Variants in KPNA4 observed in about 807,000 individuals in gnomAD.
KPNA4 encodes the protein importin subunit alpha-3.
In KPNA4, 13 loss-of-function variants were observed where a neutral mutation model predicts 71.3. The observed-to-expected ratio is 0.18, with a 90% CI of 0.12 to 0.29. The LOEUF is 0.29. Ranked by LOEUF, KPNA4 falls within the 10% of genes least tolerant of loss-of-function variation. KPNA4 has a pLI of 1.00. For synonymous variants in KPNA4, 189 were observed against 195.2 expected (o/e 0.97, Z 0.26); for missense variants, 334 against 603.2 (o/e 0.55, Z 4.67).
At position 160,535,569 on chromosome 3, in the gene KPNA4, TA is replaced by T; in HGVS notation, c.235-5del. ...CTTGGTTATCACTTGAAGCATTCTA[TA>T]AAAAATAAAATAATTTATGATGTAA... On this transcript the variant is annotated splice_polypyrimidine_tract_variant and splice_region_variant and intron_variant, in intron 4 of 16. Transcript: ENST00000334256. 6.3e-7 allele frequency: 1 copy of T among 1,590,624 alleles called. No homozygotes were observed. The highest frequency in any genetic ancestry group is 8.6e-7 in the Non-Finnish European group (1 of 1,167,086).
chr3:160,517,929 C>A (rs960675082), intron 11 of KPNA4, among the ~76,000 whole-genome samples: 2 of 152,098 alleles, frequency 1.3e-5, no homozygotes, highest in Middle Eastern at 3.2e-3. Context: ...TTTTCACTTT[C>A]TTGATGGTGT....
At chr3:160,556,685 G>C (rs1722144503) in intron 1 of KPNA4, among the ~76,000 whole-genome samples, 1 of 152,156 alleles carries the variant, frequency 6.6e-6, no homozygotes, top group Non-Finnish European at 1.5e-5. Flanking sequence ...GGTGCTTAAA[G>C]TTTCAGATTT....
At chr3:160,504,616 A>G (rs62272785) in intron 16 of KPNA4, among the ~76,000 whole-genome samples, 1 of 152,186 alleles carries the variant, frequency 6.6e-6, no homozygotes, top group Non-Finnish European at 1.5e-5. Flanking sequence ...TAAAGAACTT[A>G]TTACAGGATA....
At chr3:160,518,581 C>A (rs986653863) in intron 11 of KPNA4, among the ~76,000 whole-genome samples, 30 of 149,948 alleles carry the variant, frequency 2.0e-4, no homozygotes, top group African/African-American at 7.1e-4. Context: ...TCAACTTGGC[C>A]GGGCGCGGTG....
chr3:160,515,328 G>C, intron 12 of KPNA4, 124 bp downstream of exon 12: 3 of 939,772 alleles, frequency 3.2e-6, no homozygotes, highest in Non-Finnish European at 3.2e-6. Flanking sequence ...ATTTTCTCTT[G>C]ATGTCTAAAT....
intron 13 of KPNA4, among the ~76,000 whole-genome samples, chr3:160,511,743 T>A (rs1455959536): frequency 6.7e-6 from 1 of 150,292 alleles, no homozygotes. Flanking sequence ...TATATTTGCA[T>A]CTCTTTTGTC....
At chr3:160,505,184 G>A in intron 15 of KPNA4, 132 bp from the exon 16 acceptor site, 2 of 415,104 alleles carry the variant, frequency 4.8e-6, no homozygotes, top group East Asian at 3.9e-5. Context: ...GGAATTTAAA[G>A]GTGAATCTTA....
intron 12 of KPNA4, chr3:160,514,926 C>A (rs1226061850): frequency 1.9e-6 from 1 of 517,802 alleles, no homozygotes; most frequent in Admixed American, 1.9e-5. Flanking sequence ...ATCACAGGAC[C>A]ATTTTAATGA....
chr3:160,533,213 G>A (rs753173896), intron 5 of KPNA4, among the ~76,000 whole-genome samples: 4 of 151,860 alleles, frequency 2.6e-5, no homozygotes, highest in Admixed American at 6.6e-5. Context: ...TAGTAGAGAC[G>A]GGGGTTTCAC....
chr3:160,511,554 AAAAC>A (rs1461555257), intron 13 of KPNA4, among the ~76,000 whole-genome samples: 4 of 152,138 alleles, frequency 2.6e-5, no homozygotes, highest in Non-Finnish European at 2.9e-5. Context: ...ATAAGAAAAA[AAAAC>A]AAGGAATAAA....
Position 160,499,194 on chromosome 3 carries a change from G to A in KPNA4, c.*2910C>T, listed in dbSNP as rs1339165732. 1 of 152,002 alleles carries A rather than the reference G, an allele frequency of 6.6e-6. No individual in the cohort carries two copies. The highest frequency in any genetic ancestry group is 2.4e-5 in the African/African-American group (1 of 41,358). 9.4% of individuals were successfully genotyped at this position (152,002 alleles called of 1,614,324 possible). A position where few individuals can be genotyped will look rare whatever the true frequency, so the allele number is the denominator to read the frequency against. On this transcript the variant is annotated 3_prime_UTR_variant, in exon 17 of 17. Coordinates refer to ENST00000334256, the MANE Select transcript of KPNA4 (RefSeq NM_002268.5). ...CTCCAGGTTTGGTCCAGAGCAATGT[G>A]GACCAATGGAAAGTATTATTTCCAC... is the stretch of plus-strand genomic sequence containing the variant.
rs1473334655 is a variant in KPNA4 at position 160,565,458 on chromosome 3, C to T, written c.-176G>A. On this transcript the variant is annotated 5_prime_UTR_variant, in exon 1 of 17. Coordinates refer to ENST00000334256, the MANE Select transcript of KPNA4 (RefSeq NM_002268.5). Reference sequence around the variant, plus strand: ...GCGGCCTTCTCCTCTCCCCGCCCGCCCCCCCGCCCTAACCCCAGCGCGACT... The same window carrying T: ...GCGGCCTTCTCCTCTCCCCGCCCGCTCCCCCGCCCTAACCCCAGCGCGACT... 3.4e-6 allele frequency: 2 copies of T among 590,488 alleles called. No individual in the cohort carries two copies. Among genetic ancestry groups the T allele is most frequent in the African/African-American group, 2.0e-5 (1 of 50,728 alleles). The allele number at this position is 590,488 out of a possible 1,614,324, so 36.6% of individuals were successfully genotyped here. A position where few individuals can be genotyped will look rare whatever the true frequency, so the allele number is the denominator to read the frequency against.
At chr3:160,521,648 C>T in intron 11 of KPNA4, 131 bp downstream of exon 11, 1 of 817,058 alleles carries the variant, frequency 1.2e-6, no homozygotes, top group South Asian at 2.0e-5. Context: ...ATTTATTTTC[C>T]CCTTTCCATC....
chr3:160,522,854 A>G (rs373141107), intron 10 of KPNA4, among the ~76,000 whole-genome samples: 2 of 150,978 alleles, frequency 1.3e-5, no homozygotes, highest in African/African-American at 2.4e-5. Flanking sequence ...AAAACAAAAA[A>G]TACGTACTTC....
chr3:160,538,095 GACACAC>G (rs139702935), intron 1 of KPNA4, among the ~76,000 whole-genome samples: 11 of 149,560 alleles, frequency 7.4e-5, no homozygotes, highest in African/African-American at 2.2e-4. Flanking sequence ...TTTAAATACA[GACACAC>G]ACACACACTA....
intron 1 of KPNA4, among the ~76,000 whole-genome samples, chr3:160,540,315 T>C (rs903242944): frequency 4.6e-5 from 7 of 152,170 alleles, no homozygotes; most frequent in Non-Finnish European, 1.0e-4. Context: ...ATTTTCTTTT[T>C]ACTTGATACT....
At chr3:160,521,649 C>G (rs1721351620) in intron 11 of KPNA4, 130 bp downstream of exon 11, 14 of 829,582 alleles carry the variant, frequency 1.7e-5, no homozygotes, top group African/African-American at 3.4e-5. Flanking sequence ...TTTATTTTCC[C>G]CTTTCCATCA....
chr3:160,502,162 C>T lies in KPNA4; in HGVS notation c.1508G>A (p.Gly503Asp). The T allele has an allele frequency of 6.3e-7, 1 of 1,598,124 alleles. No homozygotes were observed. Among genetic ancestry groups the T allele is most frequent in the Non-Finnish European group, 8.5e-7 (1 of 1,169,908 alleles). The change falls in exon 17 of 17, where the codon GGC (glycine) becomes GAC (aspartate). Residue 503 changes from glycine to aspartate, a missense_variant. By Grantham distance (94) the Gly-to-Asp change is moderately conservative. Transcript: ENST00000334256. Reference sequence around the variant, plus strand: ...AGATGAATTGAAACCAAATGTTCCGCCTTGAATTGCCTCTGGAACAAGGCT... The same window carrying T: ...AGATGAATTGAAACCAAATGTTCCGTCTTGAATTGCCTCTGGAACAAGGCT... Reference protein sequence around the residue: ...DPSLVPEAIQGGTFGFNSSAN... With the variant: ...DPSLVPEAIQDGTFGFNSSAN...
At position 160,565,207 on chromosome 3, in the gene KPNA4, A is replaced by T. The variant is rs780020814; in HGVS notation, c.69+7T>A. ...CCCCACCCCTCCGGCGTCGTCCCCG[A>T]GTTTACCTCCAAGTCGCGGCCTTTG... On this transcript the variant is annotated splice_region_variant and intron_variant, in intron 1 of 16. Transcript: ENST00000334256. The T allele has an allele frequency of 3.7e-6, 6 of 1,602,678 alleles. No individual in the cohort carries two copies. The South Asian group carries it at 6.7e-5, about 18-fold the overall frequency.
Sources: allele counts gnomAD v4.1 joint callset (sites outside exome capture counted in the v4.1 genomes callset), GRCh38; gene constraint gnomAD v4.1.1; transcripts MANE v1.5; gene names NCBI Gene and HGNC (gene_info 2026-07-23, HGNC 2026-07-21).